The following PIP4P2 variants were observed in gnomAD, a reference collection of about 807,000 sequenced individuals.
PIP4P2 encodes type 2 phosphatidylinositol 4,5-bisphosphate 4-phosphatase.
A neutral mutation model predicts 33.3 loss-of-function variants in PIP4P2; 19 were observed. That is an observed-to-expected ratio of 0.57 (90% confidence interval 0.40 to 0.84). The LOEUF (loss-of-function observed/expected upper bound fraction) is 0.84. Ranked by LOEUF, PIP4P2 falls within the 40% of genes least tolerant of loss-of-function variation. PIP4P2 has a pLI of 0.00. For synonymous variants in PIP4P2, 110 were observed against 111.9 expected, an observed-to-expected ratio of 0.98 and a Z score of 0.11; for missense variants, 270 against 324.7, an observed-to-expected ratio of 0.83 and a Z score of 1.29.
At chr8:91,028,087 A>G (rs954484647) in intron 1 of PIP4P2, among the ~76,000 whole-genome samples, 1 of 152,210 alleles carries the variant, frequency 6.6e-6, no homozygotes, top group Non-Finnish European at 1.5e-5. Flanking sequence ...AGGTGGGTGC[A>G]TTTATTGCAA....
chr8:91,021,321 G>A lies in PIP4P2; in HGVS notation c.190C>T (p.Leu64=). 6.2e-7 allele frequency: 1 copy of A among 1,613,850 alleles called. No homozygotes were observed. Among genetic ancestry groups the A allele is most frequent in the Non-Finnish European group, 8.5e-7 (1 of 1,179,820 alleles). The part of the protein sequence containing the change: ...PVINCRVCQS[L]INLDGKLHQH... The stretch of plus-strand genomic sequence containing the variant: ...TGAAGCTTGCCATCCAAATTGATTA[G>A]TGATTGGCACACACGGCAGTTTATT... The change falls in exon 2 of 7, where the codon CTA becomes TTA. Residue 64 remains leucine, a synonymous_variant. Coordinates refer to ENST00000285419, the MANE Select transcript of PIP4P2 (RefSeq NM_018710.3).
At chr8:91,032,830 G>A (rs1360258675) in intron 1 of PIP4P2, among the ~76,000 whole-genome samples, 1 of 151,110 alleles carries the variant, frequency 6.6e-6, no homozygotes, top group Non-Finnish European at 1.5e-5. Context: ...CTGAGCACAA[G>A]GTGTATTCAG....
At chr8:91,021,180 A>C in intron 2 of PIP4P2, 76 bp downstream of exon 2, 1 of 1,530,104 alleles carries the variant, frequency 6.5e-7, no homozygotes, top group South Asian at 1.2e-5. Flanking sequence ...TTTAAGTAAC[A>C]TTATTGAAGT....
intron 5 of PIP4P2, among the ~76,000 whole-genome samples, chr8:90,997,306 A>G (rs1171731110): frequency 2.0e-5 from 3 of 152,080 alleles, no homozygotes; most frequent in Non-Finnish European, 2.9e-5. Context: ...CTCAAACTAA[A>G]ATTCTGATGG....
At chr8:91,023,555 A>G (rs113227832) in intron 1 of PIP4P2, among the ~76,000 whole-genome samples, 15 of 150,654 alleles carry the variant, frequency 1.0e-4, no homozygotes, top group African/African-American at 2.5e-4. Context: ...GTACTATATA[A>G]TTTTTAATCT....
intron 3 of PIP4P2, among the ~76,000 whole-genome samples, chr8:91,019,468 C>A (rs1249499172): frequency 2.1e-5 from 3 of 143,752 alleles, no homozygotes; most frequent in Non-Finnish European, 4.5e-5. Context: ...GTCCCAGCTA[C>A]TCAGGAGGAG....
At chr8:91,002,744 A>G (rs1267482533) in intron 5 of PIP4P2, among the ~76,000 whole-genome samples, 1 of 152,180 alleles carries the variant, frequency 6.6e-6, no homozygotes, top group African/African-American at 2.4e-5. Flanking sequence ...GGGATGTTTC[A>G]GCTAATTTTT....
At chr8:91,022,906 T>C (rs938322342) in intron 1 of PIP4P2, among the ~76,000 whole-genome samples, 1 of 152,170 alleles carries the variant, frequency 6.6e-6, no homozygotes, top group Non-Finnish European at 1.5e-5. Flanking sequence ...GGGAGGCTTA[T>C]AACAGAACAC....
chr8:91,004,668 T>C (rs1811744631), intron 5 of PIP4P2, among the ~76,000 whole-genome samples: 1 of 152,046 alleles, frequency 6.6e-6, no homozygotes, highest in Non-Finnish European at 1.5e-5. Context: ...TGGGGTGCAA[T>C]AATCAAATGA....
intron 1 of PIP4P2, among the ~76,000 whole-genome samples, chr8:91,022,825 T>C (rs1161191150): frequency 6.6e-6 from 1 of 152,156 alleles, no homozygotes; most frequent in African/African-American, 2.4e-5. Flanking sequence ...AAATGATTCA[T>C]AAGACAAATT....
At chr8:91,029,331 G>C (rs1222687093) in intron 1 of PIP4P2, among the ~76,000 whole-genome samples, 1 of 151,910 alleles carries the variant, frequency 6.6e-6, no homozygotes, top group African/African-American at 2.4e-5. Context: ...AGAAATCTAG[G>C]AATTAAACCA....
At chr8:91,029,116 C>T (rs1040056955) in intron 1 of PIP4P2, among the ~76,000 whole-genome samples, 1 of 151,922 alleles carries the variant, frequency 6.6e-6, no homozygotes, top group African/African-American at 2.4e-5. Context: ...CATCATGAAA[C>T]CCCGTCTCTA....
At chr8:91,016,271 T>C (rs1316727711) in intron 4 of PIP4P2, among the ~76,000 whole-genome samples, 1 of 151,800 alleles carries the variant, frequency 6.6e-6, no homozygotes, top group African/African-American at 2.4e-5. Context: ...TATAATGAAG[T>C]TTCCCACTAA....
chr8:91,034,480 T>C (rs535608087), intron 1 of PIP4P2, among the ~76,000 whole-genome samples: 7 of 152,286 alleles, frequency 4.6e-5, no homozygotes, highest in Admixed American at 2.0e-4. Flanking sequence ...GTGGCCTCAG[T>C]GAAGCAAATT....
At chr8:91,015,736 C>T (rs567460507) in intron 4 of PIP4P2, among the ~76,000 whole-genome samples, 62 of 152,302 alleles carry the variant, frequency 4.1e-4, no homozygotes, top group African/African-American at 1.3e-3. Context: ...ATCGACCTTA[C>T]TGCTGTGTCT....
intron 5 of PIP4P2, among the ~76,000 whole-genome samples, chr8:91,008,010 T>C (rs1212269596): frequency 6.6e-6 from 1 of 152,162 alleles, no homozygotes; most frequent in Non-Finnish European, 1.5e-5. Context: ...CTTGGAATCT[T>C]GTCCCTAGTT....
intron 3 of PIP4P2, among the ~76,000 whole-genome samples, chr8:91,019,859 C>A (rs1158448465): frequency 6.6e-6 from 1 of 152,160 alleles, no homozygotes; most frequent in Non-Finnish European, 1.5e-5. Context: ...AACCACTGGC[C>A]TGACCTCATT....
chr8:91,000,328 A>T (rs1811684855), intron 5 of PIP4P2, among the ~76,000 whole-genome samples: 1 of 149,364 alleles, frequency 6.7e-6, no homozygotes. Context: ...TTCTTGGTTT[A>T]CCTTTCCTTC....
chr8:91,010,463 T>C (rs1440329635), intron 4 of PIP4P2, among the ~76,000 whole-genome samples: 1 of 151,886 alleles, frequency 6.6e-6, no homozygotes, highest in Non-Finnish European at 1.5e-5. Flanking sequence ...CATTTTATAG[T>C]GTTCTTCATT....
Sources: allele counts gnomAD v4.1 joint callset (sites outside exome capture counted in the v4.1 genomes callset), GRCh38; gene constraint gnomAD v4.1.1; transcripts MANE v1.5; gene names NCBI Gene and HGNC (gene_info 2026-07-23, HGNC 2026-07-21).